The following TP53I11 variants were observed in gnomAD, a reference collection of about 807,000 sequenced individuals.
TP53I11 encodes the protein tumor protein p53-inducible protein 11.
In TP53I11, 9 loss-of-function variants were observed where a neutral mutation model predicts 23.3. The ratio of observed to expected loss-of-function variants is 0.39; its 90% CI spans 0.23 to 0.67. The LOEUF is 0.67. TP53I11 is among the 30% of genes least tolerant of loss of function. The probability of loss-of-function intolerance (pLI) is 0.48; values close to 1 mark genes in which losing one functional copy is unlikely to be tolerated. For missense variants in TP53I11, 170 were observed against 255.2 expected (o/e 0.67, Z 2.27); for synonymous variants, 100 against 106.1 (o/e 0.94, Z 0.35).
intron 1 of TP53I11, among the ~76,000 whole-genome samples, chr11:44,949,031 T>C (rs1488447347): frequency 1.3e-5 from 2 of 152,188 alleles, no homozygotes; most frequent in Non-Finnish European, 2.9e-5. Flanking sequence ...GTTGACGACA[T>C]GTGACTGGGA....
Position 44,935,957 on chromosome 11 carries a change from G to C in TP53I11, c.335-295C>G, listed in dbSNP as rs1030522223. The C allele has an allele frequency of 6.9e-5, 33 of 480,916 alleles. No individual in the cohort carries two copies. The East Asian group carries it at 1.2e-3, about 18-fold the overall frequency. The allele number at this position is 480,916 out of a possible 1,614,324, so 29.8% of individuals were successfully genotyped here. ...GATCTCTTTATAAAGGGGGAGGACT[G>C]AGCCCCTGGCCCCTGCCCATGTCCG... On this transcript the variant is annotated intron_variant, in intron 5 of 6. Coordinates refer to ENST00000525680, the MANE Select transcript of TP53I11 (RefSeq NM_006034.5).
At chr11:44,947,444 A>C (rs1393782696) in intron 1 of TP53I11, among the ~76,000 whole-genome samples, 1 of 152,170 alleles carries the variant, frequency 6.6e-6, no homozygotes, top group Non-Finnish European at 1.5e-5. Flanking sequence ...GTGGCTGTTC[A>C]GGAACTTAGA....
chr11:44,938,466 T>TCA, intron 1 of TP53I11, 100 bp from the exon 2 acceptor site: 1 of 1,350,940 alleles, frequency 7.4e-7, no homozygotes, highest in Non-Finnish European at 9.7e-7. Context: ...ACACCAGGCC[T>TCA]GCTGAGGCCT....
In TP53I11 at chr11:44,938,510, C is replaced by A. The variant is rs567255285; in HGVS notation, c.-31-144G>T. ...GCCCAGGGCAGTAGGGGGAGTACAG[C>A]TGGCTTCCTTGTCAAATGGGTTGAG... On this transcript the variant is annotated intron_variant, in intron 1 of 6. Transcript: ENST00000525680. 33 of 972,680 alleles carry A rather than the reference C, an allele frequency of 3.4e-5. No homozygotes were observed. The African/African-American group carries it at 5.1e-4, about 15-fold the overall frequency. 60.3% of individuals were successfully genotyped at this position (972,680 alleles called of 1,614,324 possible). A position where few individuals can be genotyped will look rare whatever the true frequency, so the allele number is the denominator to read the frequency against.
At chr11:44,938,807 C>T (rs1311816336) in intron 1 of TP53I11, among the ~76,000 whole-genome samples, 1 of 152,098 alleles carries the variant, frequency 6.6e-6, no homozygotes, top group East Asian at 1.9e-4. Context: ...GGGTTTGGGC[C>T]CCCACCAAAC....
chr11:44,934,702 G>T lies in TP53I11; in HGVS notation c.*182C>A. On this transcript the variant is annotated 3_prime_UTR_variant, in exon 7 of 7. Transcript: ENST00000525680. ...CCAGACCAGCATGTCAAGCCTGAAA[G>T]CCCAGGAGATCACAGCACACGGGGT... The T allele has an allele frequency of 1.3e-6, 1 of 773,622 alleles. No individual in the cohort carries two copies. The allele number at this position is 773,622 out of a possible 1,614,324, so 47.9% of individuals were successfully genotyped here. A position where few individuals can be genotyped will look rare whatever the true frequency, so the allele number is the denominator to read the frequency against.
In TP53I11 at chr11:44,948,386, C is replaced by T. The variant is rs556476902; in HGVS notation, c.-32+2291G>A. Among the ~76,000 whole-genome samples, 16 of 152,246 alleles carry T rather than the reference C, an allele frequency of 1.1e-4. 2 individuals carry two copies. Among genetic ancestry groups the T allele is most frequent in the African/African-American group, 3.9e-4 (16 of 41,544 alleles). Reference sequence around the variant, plus strand: ...TCAGGGCCTTTGCATGGGCTGTGCTCTAGCTGTCTACACAGCTCACTCCCT... The same window carrying T: ...TCAGGGCCTTTGCATGGGCTGTGCTTTAGCTGTCTACACAGCTCACTCCCT... On this transcript the variant is annotated intron_variant, in intron 1 of 6. Transcript: ENST00000525680.
At chr11:44,943,099 T>G (rs1590783204) in intron 1 of TP53I11, 1 of 152,028 alleles carries the variant, frequency 6.6e-6, no homozygotes, top group African/African-American at 2.4e-5. Context: ...TCACTACACC[T>G]CTCCTAGCCT....
chr11:44,941,872 C>T (rs991573474), intron 1 of TP53I11, among the ~76,000 whole-genome samples: 3 of 152,156 alleles, frequency 2.0e-5, no homozygotes, highest in African/African-American at 2.4e-5. Flanking sequence ...CCACGGCCCA[C>T]CTCCGAGGGG....
At chr11:44,935,138 T>A (rs1006470465) in intron 6 of TP53I11, 121 bp from the exon 7 acceptor site, 3 of 1,453,272 alleles carry the variant, frequency 2.1e-6, no homozygotes, top group Non-Finnish European at 2.8e-6. Context: ...CCCAGGATCC[T>A]CCCAGGTGGG....
intron 1 of TP53I11, among the ~76,000 whole-genome samples, chr11:44,944,355 A>G (rs1475393309): frequency 6.6e-6 from 1 of 152,184 alleles, no homozygotes; most frequent in Admixed American, 6.5e-5. Context: ...GGAGTTCAAC[A>G]GGCATTTGTG....
chr11:44,935,045 A>G, intron 6 of TP53I11, 28 bp from the exon 7 acceptor site: 3 of 1,611,944 alleles, frequency 1.9e-6, no homozygotes, highest in Non-Finnish European at 2.5e-6. Flanking sequence ...GCAAGGCCAC[A>G]GGGTCAGAGG....
chr11:44,942,396 C>T (rs1159457761), intron 1 of TP53I11, among the ~76,000 whole-genome samples: 1 of 146,828 alleles, frequency 6.8e-6, no homozygotes, highest in Non-Finnish European at 1.5e-5. Flanking sequence ...ACACAAACCA[C>T]AAACACCACA....
chr11:44,935,676 T>TTG lies in TP53I11; in HGVS notation c.335-15_335-14insCA. On this transcript the variant is annotated splice_polypyrimidine_tract_variant and intron_variant, in intron 5 of 6. Transcript: ENST00000525680. ...TCAGGGAGATGCCTGGGGCGGGGGA[T>TTG]GAAAAGGGGGCTGGGGGTGGGACAG... is the stretch of plus-strand genomic sequence containing the variant. The TTG allele has an allele frequency of 2.9e-6, 4 of 1,387,040 alleles. No individual in the cohort carries two copies. Among genetic ancestry groups the TTG allele is most frequent in the African/African-American group, 1.6e-5 (1 of 62,436 alleles). The allele number at this position is 1,387,040 out of a possible 1,614,324, so 85.9% of individuals were successfully genotyped here.
chr11:44,945,616 G>A (rs1170224109), intron 1 of TP53I11, among the ~76,000 whole-genome samples: 1 of 152,102 alleles, frequency 6.6e-6, no homozygotes, highest in Non-Finnish European at 1.5e-5. Flanking sequence ...CCTCCCTTGG[G>A]TTAAGGCCCT....
intron 1 of TP53I11, among the ~76,000 whole-genome samples, chr11:44,942,845 C>T (rs577642228): frequency 6.6e-6 from 1 of 152,308 alleles, no homozygotes; most frequent in East Asian, 1.9e-4. Context: ...GGACTGGGCC[C>T]TGCAATGATC....
chr11:44,938,959 C>T (rs980445750), intron 1 of TP53I11, among the ~76,000 whole-genome samples: 3 of 152,130 alleles, frequency 2.0e-5, no homozygotes, highest in African/African-American at 7.2e-5. Context: ...TTGACGGGGA[C>T]ACTAAGGTGG....
At chr11:44,943,280 A>C (rs1211738226) in intron 1 of TP53I11, 4 of 152,208 alleles carry the variant, frequency 2.6e-5, no homozygotes, top group Admixed American at 2.6e-4. Context: ...GCACAGTGGA[A>C]AAAGCCTGCC....
chr11:44,947,066 C>A, intron 1 of TP53I11: 1 of 456,376 alleles, frequency 2.2e-6, no homozygotes, highest in Non-Finnish European at 4.4e-6. Context: ...GAGGTCAGGG[C>A]AGAGCAGGTG....
Sources: gnomAD v4.1 joint callset for allele counts (sites outside exome capture counted in the v4.1 genomes callset) on GRCh38, gnomAD v4.1.1 for gene constraint, MANE v1.5 for transcripts, NCBI Gene and HGNC (gene_info 2026-07-23, HGNC 2026-07-21) for gene names.